The following TAFA1 variants were observed in gnomAD, a reference collection of about 807,000 sequenced individuals.
The protein encoded by TAFA1 is chemokine-like protein TAFA-1.
A neutral mutation model predicts 18.5 loss-of-function variants in TAFA1; 4 were observed. That is an observed-to-expected ratio of 0.22 (90% confidence interval 0.11 to 0.49). The LOEUF is 0.49. Among genes scored for constraint, TAFA1 ranks in the 20% least tolerant of loss-of-function variants. TAFA1 has a pLI of 0.98. For missense variants in TAFA1, 147 were observed against 169.0 expected (o/e 0.87, Z 0.72); for synonymous variants, 56 against 55.2 (o/e 1.01, Z -0.06).
intron 2 of TAFA1, among the ~76,000 whole-genome samples, chr3:68,335,049 T>A (rs1301532327): frequency 6.6e-6 from 1 of 152,234 alleles, no homozygotes; most frequent in East Asian, 1.9e-4. Context: ...TCAAGGTGAT[T>A]GTGCATGGAG....
chr3:68,442,967 A>G (rs2071410703), intron 3 of TAFA1, among the ~76,000 whole-genome samples: 1 of 152,154 alleles, frequency 6.6e-6, no homozygotes, highest in Non-Finnish European at 1.5e-5. Context: ...AAATTGATTC[A>G]GGTGTAGGGG....
At position 68,080,163 on chromosome 3, in the gene TAFA1, T is replaced by C. The variant is rs537966124; in HGVS notation, c.118+73419T>C. On this transcript the variant is annotated intron_variant, in intron 2 of 4. Coordinates refer to ENST00000478136, the MANE Select transcript of TAFA1 (RefSeq NM_213609.4). ...CTGCCTTTTTTTATTTTCCATTTGC[T>C]TGGTAGATCTTCCTCCATCCTTTTA... 3.7e-3 allele frequency among the ~76,000 whole-genome samples: 559 copies of C among 152,336 alleles called. 5 individuals carry two copies. Among genetic ancestry groups the C allele is most frequent in the African/African-American group, 0.013 (523 of 41,566 alleles).
At chr3:68,151,722 T>G (rs894879924) in intron 2 of TAFA1, among the ~76,000 whole-genome samples, 2 of 152,226 alleles carry the variant, frequency 1.3e-5, no homozygotes, top group Non-Finnish European at 2.9e-5. Flanking sequence ...GACAGATCCC[T>G]TATGATGTAA....
chr3:68,459,115 T>C (rs1270576867), intron 3 of TAFA1, among the ~76,000 whole-genome samples: 1 of 152,150 alleles, frequency 6.6e-6, no homozygotes, highest in Non-Finnish European at 1.5e-5. Context: ...TTGCCCGTCA[T>C]TGAGTGCAGG....
At chr3:68,504,674 T>C (rs963608131) in intron 3 of TAFA1, among the ~76,000 whole-genome samples, 1 of 152,044 alleles carries the variant, frequency 6.6e-6, no homozygotes, top group African/African-American at 2.4e-5. Flanking sequence ...ACCTTTTTCT[T>C]ATCCCCTCAC....
At chr3:68,260,398 T>C (rs1455397006) in intron 2 of TAFA1, among the ~76,000 whole-genome samples, 2 of 152,252 alleles carry the variant, frequency 1.3e-5, no homozygotes, top group South Asian at 2.1e-4. Context: ...TCTAAAATTC[T>C]CTTTTTTGGT....
At chr3:68,081,625 GGGGGTCA>G (rs1433380451) in intron 2 of TAFA1, among the ~76,000 whole-genome samples, 2 of 152,208 alleles carry the variant, frequency 1.3e-5, no homozygotes, top group African/African-American at 2.4e-5. Flanking sequence ...TAGGCTGCTC[GGGGGTCA>G]GGGGTCAGGG....
chr3:68,014,167 A>C (rs1225089330), intron 2 of TAFA1, among the ~76,000 whole-genome samples: 2 of 152,242 alleles, frequency 1.3e-5, no homozygotes, highest in East Asian at 3.9e-4. Context: ...ATTGATTCAC[A>C]TACTTTCAAG....
chr3:68,245,298 C>T (rs926413893), intron 2 of TAFA1, among the ~76,000 whole-genome samples: 11 of 152,198 alleles, frequency 7.2e-5, no homozygotes, highest in African/African-American at 2.7e-4. Flanking sequence ...TTGTATTTAA[C>T]AGAACTTCTT....
intron 2 of TAFA1, among the ~76,000 whole-genome samples, chr3:68,158,296 T>C (rs956280087): frequency 4.6e-5 from 7 of 152,126 alleles, no homozygotes; most frequent in Non-Finnish European, 1.0e-4. Context: ...CCCAGCAAGC[T>C]TTGAGAATCC....
chr3:68,319,090 G>A (rs1425969721), intron 2 of TAFA1, among the ~76,000 whole-genome samples: 1 of 152,068 alleles, frequency 6.6e-6, no homozygotes, highest in Non-Finnish European at 1.5e-5. Flanking sequence ...GGCATATTAA[G>A]ACTATAATTT....
chr3:68,355,749 T>G (rs1334906148), intron 2 of TAFA1, among the ~76,000 whole-genome samples: 1 of 151,884 alleles, frequency 6.6e-6, no homozygotes, highest in Non-Finnish European at 1.5e-5. Context: ...GAAACAGATG[T>G]TAATGCAACA....
At chr3:68,092,446 T>G (rs1180129578) in intron 2 of TAFA1, among the ~76,000 whole-genome samples, 3 of 152,136 alleles carry the variant, frequency 2.0e-5, no homozygotes, top group Non-Finnish European at 4.4e-5. Flanking sequence ...TATTCTTACA[T>G]GCTTTGGGTG....
At chr3:68,120,237 C>A (rs866321791) in intron 2 of TAFA1, among the ~76,000 whole-genome samples, 1 of 100,600 alleles carries the variant, frequency 9.9e-6, no homozygotes, top group African/African-American at 4.1e-5. Flanking sequence ...TTCTTTCTTT[C>A]TTTCTTTCTT....
chr3:68,308,283 G>A (rs536563101), intron 2 of TAFA1, among the ~76,000 whole-genome samples: 2 of 152,110 alleles, frequency 1.3e-5, no homozygotes, highest in East Asian at 3.9e-4. Flanking sequence ...TATCACCCCT[G>A]GAGTGGTCAT....
At chr3:68,025,712 T>C (rs1168788690) in intron 2 of TAFA1, among the ~76,000 whole-genome samples, 1 of 152,126 alleles carries the variant, frequency 6.6e-6, no homozygotes, top group Non-Finnish European at 1.5e-5. Context: ...CTGTTTGGAA[T>C]GCTCTTCCCC....
intron 2 of TAFA1, among the ~76,000 whole-genome samples, chr3:68,331,442 T>G (rs2068868093): frequency 6.6e-6 from 1 of 152,228 alleles, no homozygotes; most frequent in Non-Finnish European, 1.5e-5. Flanking sequence ...TATTGTATAG[T>G]TCAGGCATAT....
chr3:68,384,335 C>T (rs1273841975), intron 2 of TAFA1, among the ~76,000 whole-genome samples: 1 of 152,010 alleles, frequency 6.6e-6, no homozygotes, highest in East Asian at 1.9e-4. Context: ...CTTAACACTG[C>T]TTTAGCTGTG....
At chr3:68,334,984 C>T (rs568160957) in intron 2 of TAFA1, among the ~76,000 whole-genome samples, 2 of 152,236 alleles carry the variant, frequency 1.3e-5, no homozygotes, top group East Asian at 1.9e-4. Flanking sequence ...AAATGTAATT[C>T]TGTGTATATT....
Sources: allele counts gnomAD v4.1 joint callset (sites outside exome capture counted in the v4.1 genomes callset), GRCh38; gene constraint gnomAD v4.1.1; transcripts MANE v1.5; gene names NCBI Gene and HGNC (gene_info 2026-07-23, HGNC 2026-07-21).